TCF4: variants seen among roughly 807,000 people sequenced by gnomAD.
The protein encoded by TCF4 is transcription factor 4, also known as SL3-3 enhancer factor 2.
Under a neutral mutation model 82.1 loss-of-function variants are expected in TCF4, and 3 were observed. The ratio of observed to expected loss-of-function variants is 0.04; its 90% confidence interval spans 0.02 to 0.09. TCF4 has a LOEUF of 0.09. TCF4 is among the 10% of genes least tolerant of loss of function. The pLI, the probability that TCF4 is intolerant of heterozygous loss-of-function variation, is 1.00. For missense variants in TCF4, 518 were observed against 852.7 expected (o/e 0.61, Z 4.89); for synonymous variants, 276 against 309.6 (o/e 0.89, Z 1.14).
At chr18:55,490,873 T>C (rs769679182) in intron 3 of TCF4, among the ~76,000 whole-genome samples, 2 of 152,100 alleles carry the variant, frequency 1.3e-5, no homozygotes, top group African/African-American at 2.4e-5. Context: ...AATGTTGACA[T>C]AGAAAAGGAA....
chr18:55,457,861 T>C (rs1375964068), intron 5 of TCF4, among the ~76,000 whole-genome samples: 1 of 152,170 alleles, frequency 6.6e-6, no homozygotes, highest in African/African-American at 2.4e-5. Flanking sequence ...AAGTTCAGAG[T>C]TGTAATAATG....
chr18:55,615,177 T>C (rs555352752), intron 2 of TCF4, among the ~76,000 whole-genome samples: 24 of 152,242 alleles, frequency 1.6e-4, no homozygotes, highest in Non-Finnish European at 2.5e-4. Flanking sequence ...TTGGGGAGAA[T>C]TGACATGTTA....
intron 3 of TCF4, among the ~76,000 whole-genome samples, chr18:55,568,859 G>A (rs771183827): frequency 2.0e-4 from 30 of 152,062 alleles, no homozygotes; most frequent in Non-Finnish European, 4.3e-4. Flanking sequence ...TTGAAATTGA[G>A]TCCAGGACAA....
chr18:55,385,511 C>T (rs1461775988), intron 6 of TCF4, among the ~76,000 whole-genome samples: 1 of 152,162 alleles, frequency 6.6e-6, no homozygotes, highest in Non-Finnish European at 1.5e-5. Context: ...AAGTGATTCT[C>T]CTGCCTCAGC....
chr18:55,342,271 A>C (rs1265077570), intron 8 of TCF4, among the ~76,000 whole-genome samples: 1 of 152,160 alleles, frequency 6.6e-6, no homozygotes, highest in Non-Finnish European at 1.5e-5. Context: ...GTATCTGTTA[A>C]TAATAAATAT....
At chr18:55,565,578 G>A (rs1372463208) in intron 3 of TCF4, among the ~76,000 whole-genome samples, 3 of 152,102 alleles carry the variant, frequency 2.0e-5, no homozygotes, top group African/African-American at 4.8e-5. Context: ...CCCACCAGAT[G>A]TGAATTCATA....
intron 6 of TCF4, among the ~76,000 whole-genome samples, chr18:55,377,713 T>C (rs2091089363): frequency 6.6e-6 from 1 of 152,220 alleles, no homozygotes; most frequent in African/African-American, 2.4e-5. Flanking sequence ...ATCATCCTTT[T>C]AAAGAGAAAA....
chr18:55,327,313 T>C (rs2076730508), intron 8 of TCF4, among the ~76,000 whole-genome samples: 1 of 152,134 alleles, frequency 6.6e-6, no homozygotes, highest in South Asian at 2.1e-4. Context: ...AGAAGTCAGA[T>C]AAAGCACAAA....
chr18:55,329,103 A>T (rs1366020741), intron 8 of TCF4, among the ~76,000 whole-genome samples: 1 of 152,216 alleles, frequency 6.6e-6, no homozygotes, highest in East Asian at 1.9e-4. Context: ...TTAAAATGCA[A>T]GTGAATGACC....
At chr18:55,566,987 A>G (rs1241537840) in intron 3 of TCF4, among the ~76,000 whole-genome samples, 1 of 152,022 alleles carries the variant, frequency 6.6e-6, no homozygotes, top group Non-Finnish European at 1.5e-5. Context: ...GATCTACTAG[A>G]AAAGAATGGC....
chr18:55,504,475 A>G (rs2096732895), intron 3 of TCF4, among the ~76,000 whole-genome samples: 1 of 152,232 alleles, frequency 6.6e-6, no homozygotes, highest in South Asian at 2.1e-4. Context: ...TCACATGCTA[A>G]TAAGTATAGA....
intron 3 of TCF4, among the ~76,000 whole-genome samples, chr18:55,512,062 C>T (rs1216364216): frequency 6.6e-6 from 1 of 152,042 alleles, no homozygotes; most frequent in Non-Finnish European, 1.5e-5. Flanking sequence ...TCTAAAAGAA[C>T]ACAACCAGAT....
At chr18:55,343,063 C>T (rs1305205284) in intron 8 of TCF4, among the ~76,000 whole-genome samples, 3 of 152,016 alleles carry the variant, frequency 2.0e-5, no homozygotes, top group African/African-American at 7.2e-5. Flanking sequence ...AATAATTGTT[C>T]CAAAGTAGCA....
intron 3 of TCF4, among the ~76,000 whole-genome samples, chr18:55,498,303 C>T (rs1379687684): frequency 6.6e-6 from 1 of 152,170 alleles, no homozygotes; most frequent in African/African-American, 2.4e-5. Context: ...TTACACAACC[C>T]TGACAGTGAG....
At chr18:55,383,249 C>A (rs1180177516) in intron 6 of TCF4, among the ~76,000 whole-genome samples, 1 of 152,130 alleles carries the variant, frequency 6.6e-6, no homozygotes, top group Non-Finnish European at 1.5e-5. Context: ...TCTTTTTCAC[C>A]CAGGTTCAAT....
rs141323656 is a variant in TCF4, at chr18:55,345,916, G to A, written c.549+4443C>T. Among the ~76,000 whole-genome samples, 941 of 152,202 alleles carry A rather than the reference G, an allele frequency of 6.2e-3. 3 individuals carry two copies. Among genetic ancestry groups the A allele is most frequent in the Non-Finnish European group, 9.4e-3 (641 of 67,980 alleles). ...GATGTAGGAAATTATATATTTCTGA[G>A]TTCAGTACTGATTTTTTAAATCATA... On this transcript the variant is annotated intron_variant, in intron 8 of 19. Coordinates refer to ENST00000354452, the MANE Select transcript of TCF4 (RefSeq NM_001083962.2).
chr18:55,630,465 A>G (rs1362256228), intron 2 of TCF4, among the ~76,000 whole-genome samples: 1 of 152,244 alleles, frequency 6.6e-6, no homozygotes, highest in Non-Finnish European at 1.5e-5. Flanking sequence ...TACCAAGCCC[A>G]TGGCAGAAAA....
chr18:55,507,567 A>C (rs953965964), intron 3 of TCF4, among the ~76,000 whole-genome samples: 1 of 152,026 alleles, frequency 6.6e-6, no homozygotes, highest in African/African-American at 2.4e-5. Context: ...CGGGGGGACT[A>C]CTGTATTCTA....
intron 3 of TCF4, among the ~76,000 whole-genome samples, chr18:55,505,991 G>T (rs986369736): frequency 6.6e-6 from 1 of 152,126 alleles, no homozygotes; most frequent in African/African-American, 2.4e-5. Context: ...ACTAGACCTG[G>T]ATTCAGCTGA....
Sources: gnomAD v4.1 joint callset for allele counts (sites outside exome capture counted in the v4.1 genomes callset) on GRCh38, gnomAD v4.1.1 for gene constraint, MANE v1.5 for transcripts, NCBI Gene and HGNC (gene_info 2026-07-23, HGNC 2026-07-21) for gene names.